NCKAP5: variants seen among roughly 807,000 people sequenced by gnomAD.
NCKAP5 encodes nck-associated protein 5.
Under a neutral mutation model 167.0 loss-of-function variants are expected in NCKAP5, and 92 were observed. The ratio of observed to expected loss-of-function variants is 0.55; its 90% CI spans 0.47 to 0.66. The LOEUF (loss-of-function observed/expected upper bound fraction) is 0.66. Among genes scored for constraint, NCKAP5 ranks in the 30% least tolerant of loss-of-function variants. The probability of loss-of-function intolerance (pLI) is 0.00; values close to 1 mark genes in which losing one functional copy is unlikely to be tolerated. For synonymous variants in NCKAP5, 891 were observed against 877.4 expected (o/e 1.02, Z -0.27); for missense variants, 2,378 against 2,315.0 (o/e 1.03, Z -0.56).
rs375695655 is a variant in NCKAP5, at chr2:132,785,423, T to C, written c.1388A>G (p.Glu463Gly). The change falls in exon 14 of 20, where the codon GAA becomes GGA. Residue 463 changes from glutamate to glycine, a missense_variant. By Grantham distance (98) the Glu-to-Gly change is moderately conservative. Around this residue, in one of 3 missense-constraint regions of NCKAP5, gnomAD observed 1,049 missense variants for 1,023.4 expected, o/e 1.02. Transcript: ENST00000409261. ...ATCATAAACAAATGTCTTGTGGGGTTCCTTGCAGGGGCTCCCCAGGTCAGC... is the reference window on the plus strand; with the variant it reads ...ATCATAAACAAATGTCTTGTGGGGTCCCTTGCAGGGGCTCCCCAGGTCAGC... ...KTADLGSPCK[E>G]PHKTFVYDLD... The C allele has an allele frequency of 3.1e-6, 5 of 1,613,764 alleles. No homozygotes were observed. The African/African-American group carries it at 5.3e-5, about 17-fold the overall frequency.
At chr2:133,408,720 T>C (rs1170869569) in intron 3 of NCKAP5, among the ~76,000 whole-genome samples, 1 of 152,258 alleles carries the variant, frequency 6.6e-6, no homozygotes, top group Non-Finnish European at 1.5e-5. Context: ...GGACTGTCAC[T>C]GAACACAGAA....
intron 5 of NCKAP5, among the ~76,000 whole-genome samples, chr2:133,138,268 T>G (rs1033095989): frequency 6.6e-6 from 1 of 152,092 alleles, no homozygotes; most frequent in Non-Finnish European, 1.5e-5. Context: ...CACGTGGAGA[T>G]TGATATGCAC....
intron 7 of NCKAP5, among the ~76,000 whole-genome samples, chr2:132,969,107 G>A (rs564095424): frequency 2.0e-5 from 3 of 152,168 alleles, no homozygotes; most frequent in Non-Finnish European, 2.9e-5. Context: ...GTGCAATCTC[G>A]GCTCACTGCA....
At chr2:132,709,138 A>G (rs561972532) in intron 19 of NCKAP5, among the ~76,000 whole-genome samples, 37 of 152,066 alleles carry the variant, frequency 2.4e-4, no homozygotes, top group Admixed American at 7.8e-4. Flanking sequence ...AACATATCAT[A>G]ATATCTACAC....
intron 3 of NCKAP5, among the ~76,000 whole-genome samples, chr2:133,370,702 ATT>A (rs57830853): frequency 1.6e-4 from 22 of 138,624 alleles, no homozygotes; most frequent in South Asian, 2.3e-4. Flanking sequence ...TGGCTAACGT[ATT>A]TTTTTTTTTT....
chr2:132,871,855 G>C (rs1690847647), intron 9 of NCKAP5, among the ~76,000 whole-genome samples: 1 of 152,228 alleles, frequency 6.6e-6, no homozygotes, highest in Admixed American at 6.5e-5. Flanking sequence ...TATAACGACA[G>C]TGTCCGAGGT....
At chr2:133,362,664 C>T (rs1685189937) in intron 3 of NCKAP5, among the ~76,000 whole-genome samples, 1 of 152,112 alleles carries the variant, frequency 6.6e-6, no homozygotes. Flanking sequence ...GATAAACTCC[C>T]ATTCATATCT....
At chr2:133,143,097 T>A (rs2083059748) in intron 5 of NCKAP5, among the ~76,000 whole-genome samples, 1 of 152,042 alleles carries the variant, frequency 6.6e-6, no homozygotes, top group African/African-American at 2.4e-5. Flanking sequence ...AAAACGTGTT[T>A]TTTTTTTAAC....
chr2:132,981,641 T>C (rs1373603803), intron 7 of NCKAP5, among the ~76,000 whole-genome samples: 1 of 152,188 alleles, frequency 6.6e-6, no homozygotes, highest in Non-Finnish European at 1.5e-5. Flanking sequence ...TCAATCACTG[T>C]AGAGGATTAC....
chr2:132,672,776 G>T lies in NCKAP5; in HGVS notation c.*513C>A. The T allele has an allele frequency of 1.5e-5, 3 of 194,616 alleles. No homozygotes were observed. Among genetic ancestry groups the T allele is most frequent in the Non-Finnish European group, 2.8e-5 (3 of 106,596 alleles). The allele number at this position is 194,616 out of a possible 1,614,324, so 12.1% of individuals were successfully genotyped here. ...TTCTGTACAAATATTCAAAAAAAGT[G>T]CAAAATTAAGGATTCTGTATCATAG... On this transcript the variant is annotated 3_prime_UTR_variant, in exon 20 of 20. Transcript: ENST00000409261.
chr2:132,743,141 G>A (rs1679349461), intron 16 of NCKAP5, among the ~76,000 whole-genome samples: 1 of 151,808 alleles, frequency 6.6e-6, no homozygotes, highest in African/African-American at 2.4e-5. Context: ...TTTGATCTCT[G>A]AATCAAGGAA....
intron 3 of NCKAP5, among the ~76,000 whole-genome samples, chr2:133,353,914 G>T (rs62180016): frequency 0.21 from 31,215 of 152,106 alleles, 3,473 homozygotes; most frequent in Non-Finnish European, 0.24. Context: ...CTTCTTCCAG[G>T]ATGCTGGACA....
chr2:133,444,796 T>G (rs1691093063), intron 3 of NCKAP5, among the ~76,000 whole-genome samples: 1 of 152,162 alleles, frequency 6.6e-6, no homozygotes, highest in South Asian at 2.1e-4. Context: ...GGCCTGACCC[T>G]CTGACTAGCG....
chr2:132,999,584 T>C (rs2077712640), intron 6 of NCKAP5, among the ~76,000 whole-genome samples: 1 of 152,196 alleles, frequency 6.6e-6, no homozygotes, highest in Non-Finnish European at 1.5e-5. Context: ...CTTGATAATA[T>C]CAAAGGCCTT....
At chr2:132,758,340 G>A (rs1053133823) in intron 16 of NCKAP5, among the ~76,000 whole-genome samples, 1 of 151,958 alleles carries the variant, frequency 6.6e-6, no homozygotes, top group Non-Finnish European at 1.5e-5. Context: ...TAGATTATAG[G>A]GTTTTTGTAA....
In NCKAP5 at chr2:132,784,616, A is replaced by G. The variant is rs1371179521; in HGVS notation, c.2195T>C (p.Phe732Ser). 6.2e-7 allele frequency: 1 copy of G among 1,609,284 alleles called. No individual in the cohort carries two copies. Among genetic ancestry groups the G allele is most frequent in the African/African-American group, 1.3e-5 (1 of 74,602 alleles). ...CTCAGTGTCCTCTTCAGACCTTTTA[A>G]AGAAAGTATAGTCTCTTGCAGCAGC... ...PRAAARDYTFFKRSEEDTEKN... is the reference protein window; with the variant it reads ...PRAAARDYTFSKRSEEDTEKN... The change falls in exon 14 of 20, where the codon TTT becomes TCT. Residue 732 changes from phenylalanine (F) to serine (S), a missense_variant. Around this residue, in one of 3 missense-constraint regions of NCKAP5, gnomAD observed 1,049 missense variants for 1,023.4 expected, o/e 1.02. Transcript: ENST00000409261.
chr2:132,737,571 T>C (rs1691638422), intron 16 of NCKAP5, among the ~76,000 whole-genome samples: 1 of 152,110 alleles, frequency 6.6e-6, no homozygotes, highest in African/African-American at 2.4e-5. Context: ...TACCTTAGGG[T>C]GTGTGGCTGA....
intron 6 of NCKAP5, among the ~76,000 whole-genome samples, chr2:133,109,720 A>G (rs2081844465): frequency 6.6e-6 from 1 of 152,020 alleles, no homozygotes; most frequent in Admixed American, 6.6e-5. Context: ...AGTATCAAGA[A>G]TTTATTTCAT....
At chr2:132,820,920 A>T (rs1182238166) in intron 11 of NCKAP5, among the ~76,000 whole-genome samples, 1 of 152,228 alleles carries the variant, frequency 6.6e-6, no homozygotes, top group Non-Finnish European at 1.5e-5. Context: ...AGGCAACATA[A>T]AATGTGCCAG....
Sources: allele counts gnomAD v4.1 joint callset (sites outside exome capture counted in the v4.1 genomes callset), GRCh38; gene constraint gnomAD v4.1.1; regional missense constraint gnomAD v4.1.1; transcripts MANE v1.5; gene names NCBI Gene and HGNC (gene_info 2026-07-23, HGNC 2026-07-21).